DOCK9: variants seen among roughly 807,000 people sequenced by gnomAD.
DOCK9 encodes the protein dedicator of cytokinesis 9.
A neutral mutation model predicts 263.3 loss-of-function variants in DOCK9; 89 were observed. That is an observed-to-expected ratio of 0.34 (90% confidence interval 0.28 to 0.40). The LOEUF (loss-of-function observed/expected upper bound fraction) is 0.40, where lower values mean the gene tolerates loss of function less well. DOCK9 is among the 10% of genes least tolerant of loss of function. The pLI, the probability that DOCK9 is intolerant of heterozygous loss-of-function variation, is 1.00. For synonymous variants in DOCK9, 976 were observed against 973.1 expected, an observed-to-expected ratio of 1.00 and a Z score of -0.06; for missense variants, 2,140 against 2,603.4, an observed-to-expected ratio of 0.82 and a Z score of 3.87.
chr13:98,822,579 T>A (rs1191059821), intron 45 of DOCK9, among the ~76,000 whole-genome samples: 4 of 152,168 alleles, frequency 2.6e-5, no homozygotes, highest in Non-Finnish European at 4.4e-5. Flanking sequence ...AAAACTCAGT[T>A]GAAATTCGCC....
chr13:99,071,637 G>C (rs1318738189), intron 1 of DOCK9, among the ~76,000 whole-genome samples: 2 of 152,058 alleles, frequency 1.3e-5, no homozygotes, highest in African/African-American at 4.8e-5. Flanking sequence ...GAGGTGGAGG[G>C]TGTGGGACAG....
intron 2 of DOCK9, among the ~76,000 whole-genome samples, chr13:98,936,623 C>CAAAAAAAAAAAAA (rs1189746396): frequency 4.2e-5 from 2 of 47,484 alleles, no homozygotes; most frequent in Non-Finnish European, 4.9e-5. Flanking sequence ...CTGTCTCAAA[C>CAAAAAAAAAAAAA]AAAAAAAAAA....
At chr13:98,796,303 A>G (rs1054895592) in intron 52 of DOCK9, 95 of 1,072,854 alleles carry the variant, frequency 8.9e-5, no homozygotes, top group African/African-American at 1.6e-5. Context: ...TGTACTAACT[A>G]AACTGTCAGG....
rs71114568 is a variant in DOCK9 at position 98,989,348 on chromosome 13, T to TG, written c.130-33798_130-33797insC. 0.017 allele frequency among the ~76,000 whole-genome samples: 1,806 copies of TG among 107,108 alleles called. 237 individuals carry two copies. The East Asian group carries it at 0.3, about 18-fold the overall frequency. The allele number at this position is 107,108 out of a possible 152,430, so 70.3% of individuals were successfully genotyped here. A position where few individuals can be genotyped will look rare whatever the true frequency, so the allele number is the denominator to read the frequency against. On this transcript the variant is annotated intron_variant, in intron 1 of 32. Coordinates refer to the DOCK9 transcript ENST00000427887. ...ATGATGATGATGATGATGATGATGA[T>TG]AATAATAATAATAATAATAATAATA...
At chr13:99,072,754 A>C (rs2041735988) in intron 1 of DOCK9, among the ~76,000 whole-genome samples, 1 of 152,140 alleles carries the variant, frequency 6.6e-6, no homozygotes, top group Admixed American at 6.5e-5. Context: ...TAATCCTGGC[A>C]CTTGGGACGC....
At position 98,829,508 on chromosome 13, in the gene DOCK9, G is replaced by A; in HGVS notation, c.4764C>T (p.Ser1588=). The part of the protein sequence containing the change: ...SDRLIKHTSF[S]SDVKDLTKRI... Reference sequence around the variant, plus strand: ...TTTTGGTTAAGTCCTTCACATCAGAGGAGAAGCTGGTGTGCTAAAACAAGG... The same window carrying A: ...TTTTGGTTAAGTCCTTCACATCAGAAGAGAAGCTGGTGTGCTAAAACAAGG... The change falls in exon 43 of 53, where the codon TCC becomes TCT. Residue 1588 remains serine (S), a synonymous_variant. Coordinates refer to ENST00000682017, the MANE Select transcript of DOCK9 (RefSeq NM_001366683.2). The surrounding 1 kb of genome is among the most constrained non-coding windows in gnomAD (Gnocchi z 4.1). 1 of 1,613,018 alleles carries A rather than the reference G, an allele frequency of 6.2e-7. No individual in the cohort carries two copies. The highest frequency in any genetic ancestry group is 8.5e-7 in the Non-Finnish European group (1 of 1,179,518).
intron 1 of DOCK9, among the ~76,000 whole-genome samples, chr13:99,052,199 G>A (rs1826687467): frequency 6.6e-6 from 1 of 152,202 alleles, no homozygotes; most frequent in African/African-American, 2.4e-5. Context: ...TGAAGGCCCT[G>A]CAAGGGGCAG....
intron 31 of DOCK9, 102 bp from the exon 32 acceptor site, chr13:98,863,234 G>A (rs1594774376): frequency 3.4e-6 from 5 of 1,483,036 alleles, no homozygotes; most frequent in African/African-American, 2.8e-5. Context: ...TATAAAGACA[G>A]ATATTTGATT....
chr13:98,825,993 C>A lies in DOCK9; in HGVS notation c.5023+837G>T. The A allele has an allele frequency of 2.2e-6, 3 of 1,388,664 alleles. 1 individual carries two copies. The South Asian group carries it at 5.1e-5, about 24-fold the overall frequency. The allele number at this position is 1,388,664 out of a possible 1,614,324, so 86.0% of individuals were successfully genotyped here. ...TAAAAGGTCTCAACAGGAAATAGTACCGGTATTAAATGAACATGGAGCCCT... is the reference window on the plus strand; with the variant it reads ...TAAAAGGTCTCAACAGGAAATAGTAACGGTATTAAATGAACATGGAGCCCT... On this transcript the variant is annotated intron_variant, in intron 44 of 52. Transcript: ENST00000682017. This position sits in a 1 kb window ranked among gnomAD's most constrained non-coding sequence, Gnocchi z 4.1.
In DOCK9 at chr13:98,855,879, T is replaced by G. The variant is rs758595315; in HGVS notation, c.3831+19A>C. ...CCATTGATTATAAGAAACATTTGTG[T>G]TGGGTGAAAAGCAATTACCTTATCC... On this transcript the variant is annotated intron_variant, in intron 34 of 52. Transcript: ENST00000682017. The G allele has an allele frequency of 6.2e-7, 1 of 1,613,378 alleles. No individual in the cohort carries two copies. Among genetic ancestry groups the G allele is most frequent in the Non-Finnish European group, 8.5e-7 (1 of 1,179,416 alleles).
At chr13:98,937,357 A>T (rs1243223189) in intron 2 of DOCK9, among the ~76,000 whole-genome samples, 1 of 152,248 alleles carries the variant, frequency 6.6e-6, no homozygotes, top group East Asian at 1.9e-4. Flanking sequence ...CAAGGTATGC[A>T]CCTGCAAGAA....
In DOCK9 at chr13:98,975,271, C is replaced by T. The variant is rs529158693; in HGVS notation, c.126+2513G>A. 3.3e-5 allele frequency among the ~76,000 whole-genome samples: 5 copies of T among 151,270 alleles called. No individual in the cohort carries two copies. In the East Asian group the frequency reaches 7.8e-4, roughly 24 times the overall value. ...GCGGGCACCTATAATCTTAGCTACT[C>T]GGGAGGCTTGAACCCAGGAGACGGA... On this transcript the variant is annotated intron_variant, in intron 1 of 52. Transcript: ENST00000682017.
chr13:98,893,889 T>C (rs912078638), intron 15 of DOCK9, among the ~76,000 whole-genome samples: 1 of 152,230 alleles, frequency 6.6e-6, no homozygotes, highest in Non-Finnish European at 1.5e-5. Flanking sequence ...TCCTGCTGTG[T>C]CTTCTATGCT....
At chr13:99,025,931 G>A (rs781543272) in intron 1 of DOCK9, among the ~76,000 whole-genome samples, 1 of 152,174 alleles carries the variant, frequency 6.6e-6, no homozygotes, top group African/African-American at 2.4e-5. Context: ...AAGAAGCCCC[G>A]CATAAGGATC....
intron 1 of DOCK9, among the ~76,000 whole-genome samples, chr13:99,013,831 G>A (rs981177237): frequency 1.3e-5 from 2 of 152,196 alleles, no homozygotes; most frequent in African/African-American, 4.8e-5. Context: ...CAGAGCAGAG[G>A]AGTGACATGG....
rs376596129 is a variant in DOCK9, at chr13:98,805,090, G to A, written c.5634C>T (p.Ile1878=). Residue 1878 remains isoleucine (I), a synonymous_variant, in exon 49 of 53, where the codon ATC becomes ATT. Coordinates refer to ENST00000682017, the MANE Select transcript of DOCK9 (RefSeq NM_001366683.2). ...RKTEFERSHN[I]RRFMFEMPFT... Reference sequence around the variant, plus strand: ...ATGGCATCTCAAACATGAAGCGGCGGATGTTGTGGGATCTCTCAAACTCTG... The same window carrying A: ...ATGGCATCTCAAACATGAAGCGGCGAATGTTGTGGGATCTCTCAAACTCTG... 94 of 1,611,664 alleles carry A rather than the reference G, an allele frequency of 5.8e-5. No individual in the cohort carries two copies. Among genetic ancestry groups the A allele is most frequent in the Admixed American group, 5.7e-4 (34 of 59,714 alleles).
intron 1 of DOCK9, among the ~76,000 whole-genome samples, chr13:99,065,926 GAAATTTA>G (rs1465650996): frequency 6.6e-6 from 1 of 152,114 alleles, no homozygotes; most frequent in African/African-American, 2.4e-5. Context: ...ATGCATGTAC[GAAATTTA>G]AAATTTATCA....
chr13:98,969,620 AACG>A (rs1295862744), intron 1 of DOCK9, among the ~76,000 whole-genome samples: 4 of 152,230 alleles, frequency 2.6e-5, no homozygotes, highest in Admixed American at 2.6e-4. Flanking sequence ...AAGCTGGAAC[AACG>A]ACGCCATGAT....
At chr13:98,859,429 C>G (rs2093791841) in intron 33 of DOCK9, 2 of 152,070 alleles carry the variant, frequency 1.3e-5, no homozygotes, top group South Asian at 4.1e-4. Context: ...TAAATTTGGG[C>G]ATTGGTGTGG....
Sources: gnomAD v4.1 joint callset for allele counts (sites outside exome capture counted in the v4.1 genomes callset) on GRCh38, gnomAD v4.1.1 for gene constraint, Gnocchi (gnomAD v3.1) non-coding constraint, MANE v1.5 for transcripts, NCBI Gene and HGNC (gene_info 2026-07-23, HGNC 2026-07-21) for gene names.